The following RPL6 variants were observed in gnomAD, a reference collection of about 807,000 sequenced individuals.
RPL6 encodes the protein ribosomal protein L6.
In RPL6, 1 loss-of-function variant was observed where a neutral mutation model predicts 32.1. The observed-to-expected ratio is 0.03, with a 90% CI of 0.01 to 0.15. The LOEUF is 0.15. RPL6 is among the 10% of genes least tolerant of loss of function. The pLI is 1.00. For missense variants in RPL6, 275 were observed against 354.6 expected, an observed-to-expected ratio of 0.78 and a Z score of 1.80; for synonymous variants, 126 against 131.6, an observed-to-expected ratio of 0.96 and a Z score of 0.29.
intron 6 of RPL6, 35 bp from the exon 7 acceptor site, chr12:112,405,411 GCA>G (rs2037131961): frequency 6.2e-7 from 1 of 1,602,398 alleles, no homozygotes; most frequent in African/African-American, 1.3e-5. Flanking sequence ...TTTAAAACAG[GCA>G]CATACCAAAT....
rs17851814 is a variant in RPL6, at chr12:112,408,309, G to A, written c.267C>T (p.Leu89=). 8.7e-5 allele frequency: 140 copies of A among 1,614,068 alleles called. 1 individual carries two copies. The highest frequency in any genetic ancestry group is 1.6e-4 in the Middle Eastern group (1 of 6,084). Residue 89 remains leucine (L), a synonymous_variant, in exon 3 of 7, where the codon CTC becomes CTT. Transcript: ENST00000202773. ...CACCAACTGGTTTTGTAACAGTTGC[G>A]AGAACCTTCTCCTTCTTTTTCTTTT... The part of the protein sequence containing the change: ...KVEKKKKEKV[L]ATVTKPVGGD...
Position 112,406,349 on chromosome 12 carries a change from G to C in RPL6, c.481-7C>G. 1 of 1,609,848 alleles carries C rather than the reference G, an allele frequency of 6.2e-7. No homozygotes were observed. The highest frequency in any genetic ancestry group is 8.5e-7 in the Non-Finnish European group (1 of 1,176,644). On this transcript the variant is annotated splice_polypyrimidine_tract_variant and splice_region_variant and intron_variant, in intron 4 of 6. Transcript: ENST00000202773. ...GCTTCAGGAAAACCACCCTCTGTAA[G>C]TTAAAAAGAAAATAATTAGTTTTCT...
chr12:112,408,630 T>C lies in RPL6; in HGVS notation c.27A>G (p.Pro9=), dbSNP rs752139551. 1.3e-6 allele frequency: 2 copies of C among 1,566,042 alleles called. No homozygotes were observed. Among genetic ancestry groups the C allele is most frequent in the Non-Finnish European group, 1.7e-6 (2 of 1,168,620 alleles). Residue 9 remains proline, a synonymous_variant, in exon 2 of 7, where the codon CCA becomes CCG. Coordinates refer to ENST00000202773, the MANE Select transcript of RPL6 (RefSeq NM_000970.6). ...CTTCGGGTTTCTTCTCTTTAGTATCTGGCTTCTCAACTTTTTCACCCGCCA... is the reference window on the plus strand; with the variant it reads ...CTTCGGGTTTCTTCTCTTTAGTATCCGGCTTCTCAACTTTTTCACCCGCCA... MAGEKVEK[P]DTKEKKPEAK... is the part of the protein sequence containing the mutation.
At chr12:112,409,217 G>A (rs1594110149) in intron 1 of RPL6, 1 of 369,198 alleles carries the variant, frequency 2.7e-6, no homozygotes, top group Non-Finnish European at 4.8e-6. Flanking sequence ...TGGCTTCAGT[G>A]CGGAACCCCA....
chr12:112,418,168 C>CG (rs2037446749), intron 1 of RPL6, among the ~76,000 whole-genome samples: 1 of 151,874 alleles, frequency 6.6e-6, no homozygotes, highest in Admixed American at 6.6e-5. Flanking sequence ...TTAGTGGAGA[C>CG]GGGGTTTCAC....
chr12:112,414,937 T>G (rs1203918372), upstream of RPL6, among the ~76,000 whole-genome samples: 1 of 151,668 alleles, frequency 6.6e-6, no homozygotes, highest in Non-Finnish European at 1.5e-5. Context: ...CCCACAAAAC[T>G]TAATTGGATG....
intron 4 of RPL6, 69 bp from the exon 5 acceptor site, chr12:112,406,411 A>G (rs1259922503): frequency 2.9e-6 from 4 of 1,393,716 alleles, no homozygotes; most frequent in African/African-American, 1.4e-5. Context: ...ATAAAATCAC[A>G]GGCATCTAAA....
At chr12:112,415,306 C>T (rs553357846), upstream of RPL6, among the ~76,000 whole-genome samples, 1 of 152,316 alleles carries the variant, frequency 6.6e-6, no homozygotes, top group Non-Finnish European at 1.5e-5. Flanking sequence ...CATTGGCTCA[C>T]GCCTGTAAAT....
chr12:112,406,718 T>TG, intron 4 of RPL6, 29 bp downstream of exon 4: 2 of 1,611,876 alleles, frequency 1.2e-6, no homozygotes, highest in Non-Finnish European at 1.7e-6. Flanking sequence ...GCAGCTGCAG[T>TG]GAAGCGCCCC....
At chr12:112,415,530 T>C (rs2037396690) in intron 1 of RPL6, among the ~76,000 whole-genome samples, 1 of 152,054 alleles carries the variant, frequency 6.6e-6, no homozygotes, top group South Asian at 2.1e-4. Context: ...CTGGCCAACA[T>C]GGCGAAACCC....
At chr12:112,409,364 G>A (rs978879706) in intron 1 of RPL6, 3 of 396,932 alleles carry the variant, frequency 7.6e-6, no homozygotes, top group Non-Finnish European at 1.3e-5. Flanking sequence ...CCCAGCCCAA[G>A]AGAGTGGCGA....
At chr12:112,410,406 C>A, upstream of RPL6, 1 of 220,666 alleles carries the variant, frequency 4.5e-6, no homozygotes, top group Non-Finnish European at 9.5e-6. Context: ...GAGACTCTGT[C>A]TTAAAAAAAG....
intron 6 of RPL6, 55 bp downstream of exon 6, chr12:112,405,798 C>A: frequency 7.1e-7 from 1 of 1,404,284 alleles, no homozygotes; most frequent in South Asian, 1.4e-5. Flanking sequence ...TGTTTCTTTT[C>A]ACTCCCAGGT....
rs1253096902 is a variant in RPL6, at chr12:112,405,290, G to C, written c.801C>G (p.Leu267=). ...ILPKIKAIPQ[L]QGYLRSVFAL... ...CAAACACAGATCGCAGGTAGCCCTG[G>C]AGCTGAGGAATAGCTTTGATTTTTG... Residue 267 remains leucine (L), a synonymous_variant, in exon 7 of 7, where the codon CTC becomes CTG. Coordinates refer to ENST00000202773, the MANE Select transcript of RPL6 (RefSeq NM_000970.6). 1 of 1,610,232 alleles carries C rather than the reference G, an allele frequency of 6.2e-7. No individual in the cohort carries two copies. Among genetic ancestry groups the C allele is most frequent in the Admixed American group, 1.7e-5 (1 of 59,420 alleles).
upstream of RPL6, among the ~76,000 whole-genome samples, chr12:112,414,698 T>TC (rs2037382079): frequency 6.6e-6 from 1 of 151,884 alleles, no homozygotes; most frequent in Non-Finnish European, 1.5e-5. Flanking sequence ...GGTCAGGAGA[T>TC]CAAGACCATC....
At chr12:112,412,298 CA>C (rs1171779448), upstream of RPL6, among the ~76,000 whole-genome samples, 1 of 152,074 alleles carries the variant, frequency 6.6e-6, no homozygotes, top group African/African-American at 2.4e-5. Context: ...CTCGACCTCC[CA>C]AAGTGCTGGG....
upstream of RPL6, among the ~76,000 whole-genome samples, chr12:112,414,739 T>TA (rs1200911002): frequency 2.6e-5 from 4 of 151,728 alleles, no homozygotes; most frequent in Non-Finnish European, 2.9e-5. Flanking sequence ...CTGTCTCTAC[T>TA]AAAAAAATAC....
intron 6 of RPL6, 55 bp downstream of exon 6, chr12:112,405,798 C>T: frequency 1.4e-6 from 2 of 1,404,284 alleles, no homozygotes; most frequent in Non-Finnish European, 1.9e-6. Flanking sequence ...TGTTTCTTTT[C>T]ACTCCCAGGT....
At chr12:112,407,052 C>A in intron 3 of RPL6, 162 bp from the exon 4 acceptor site, 1 of 687,290 alleles carries the variant, frequency 1.5e-6, no homozygotes, top group South Asian at 2.3e-5. Context: ...TGGAAAAGGT[C>A]AATTATGCTT....
Sources: gnomAD v4.1 joint callset for allele counts (sites outside exome capture counted in the v4.1 genomes callset) on GRCh38, gnomAD v4.1.1 for gene constraint, MANE v1.5 for transcripts, NCBI Gene and HGNC (gene_info 2026-07-23, HGNC 2026-07-21) for gene names.